PVT1: variants seen among roughly 807,000 people sequenced by gnomAD.
PVT1 encodes the protein CXCR4/PVT1 fusion.
At chr8:128,041,701 C>A (rs57667636) in intron 4 of PVT1, among the ~76,000 whole-genome samples, 4,100 of 150,356 alleles carry the variant, frequency 0.027, 142 homozygotes, top group East Asian at 0.16. Context: ...GTGTGTTGTT[C>A]GTGTGTGCAT....
chr8:127,845,784 C>G (rs1480912139), intron 2 of PVT1, among the ~76,000 whole-genome samples: 1 of 152,092 alleles, frequency 6.6e-6, no homozygotes, highest in Non-Finnish European at 1.5e-5. Context: ...AACAGAGTGT[C>G]CTGTTTTCCC....
In PVT1 at chr8:127,894,731, A is replaced by C. The variant is rs963477756; in HGVS notation, n.782+3733A>C. Among the ~76,000 whole-genome samples, 3 of 152,368 alleles carry C rather than the reference A, an allele frequency of 2.0e-5. No individual in the cohort carries two copies. The South Asian group carries it at 6.2e-4, about 32-fold the overall frequency. On this transcript the variant is annotated intron_variant and non_coding_transcript_variant, in intron 3 of 10. Coordinates refer to ENST00000651587, the Ensembl canonical transcript of PVT1. ...ACTTTTCAAAAATACTATTAGTGACATGTGGACCTAGTCCTCCTGAAGAGG... is the reference window on the plus strand; with the variant it reads ...ACTTTTCAAAAATACTATTAGTGACCTGTGGACCTAGTCCTCCTGAAGAGG...
chr8:127,898,342 G>GAAAGA lies in PVT1; in HGVS notation n.782+7347_782+7351dup, dbSNP rs1815713451. Reference sequence around the variant, plus strand: ...AATAATGTAAAGAAAGAAAAGAAAGGAAAGAAAGATTCATTACTATCCTTT... The same window carrying GAAAGA: ...AATAATGTAAAGAAAGAAAAGAAAGGAAAGAAAAGAAAGATTCATTACTATCCTTT... On this transcript the variant is annotated intron_variant and non_coding_transcript_variant, in intron 3 of 10. Transcript: ENST00000651587. This position sits in a 1 kb window ranked among gnomAD's most constrained non-coding sequence, Gnocchi z 4.4. Among the ~76,000 whole-genome samples the GAAAGA allele has an allele frequency of 1.3e-5, 2 of 152,092 alleles. No individual in the cohort carries two copies. Among genetic ancestry groups the GAAAGA allele is most frequent in the South Asian group, 4.1e-4 (2 of 4,824 alleles).
intron 3 of PVT1, among the ~76,000 whole-genome samples, chr8:127,973,239 A>G (rs1000042427): frequency 6.6e-6 from 1 of 152,016 alleles, no homozygotes; most frequent in Non-Finnish European, 1.5e-5. Context: ...CTCCCTTGCC[A>G]TGTGTGCACA....
chr8:127,862,173 C>T (rs1009130343), intron 2 of PVT1, among the ~76,000 whole-genome samples: 3 of 152,070 alleles, frequency 2.0e-5, no homozygotes, highest in South Asian at 2.1e-4. Flanking sequence ...TTTGGGAGGT[C>T]GAGGTGGGTG....
At chr8:128,052,913 T>C (rs1813716072) in intron 4 of PVT1, among the ~76,000 whole-genome samples, 1 of 152,260 alleles carries the variant, frequency 6.6e-6, no homozygotes, top group African/African-American at 2.4e-5. Flanking sequence ...AGACAGTAGA[T>C]GGTAAAACCA....
chr8:128,030,231 GTAA>G (rs755195145), intron 4 of PVT1, among the ~76,000 whole-genome samples: 4 of 152,194 alleles, frequency 2.6e-5, no homozygotes, highest in Non-Finnish European at 4.4e-5. Flanking sequence ...ATTACCATGT[GTAA>G]TAATAGTTTA....
chr8:127,827,580 T>A (rs987672855), intron 2 of PVT1, among the ~76,000 whole-genome samples: 1 of 152,080 alleles, frequency 6.6e-6, no homozygotes, highest in Non-Finnish European at 1.5e-5. Context: ...TTGTTCCTTA[T>A]CCTCCTTTGA....
intron 4 of PVT1, among the ~76,000 whole-genome samples, chr8:128,057,672 C>T (rs1813778228): frequency 6.6e-6 from 1 of 152,202 alleles, no homozygotes; most frequent in Non-Finnish European, 1.5e-5. Flanking sequence ...AGTTCATAAA[C>T]ATGCTTTCCT....
intron 2 of PVT1, among the ~76,000 whole-genome samples, chr8:127,882,151 G>A (rs1003427151): frequency 2.6e-5 from 4 of 152,184 alleles, no homozygotes; most frequent in African/African-American, 9.7e-5. Context: ...TGGTTCCTGT[G>A]GCTCCCATCC....
At chr8:127,841,742 T>G (rs1415427727) in intron 2 of PVT1, among the ~76,000 whole-genome samples, 1 of 151,782 alleles carries the variant, frequency 6.6e-6, no homozygotes, top group Non-Finnish European at 1.5e-5. Flanking sequence ...TTTTTCTTCT[T>G]TCTGAGACAG....
At chr8:127,956,134 G>A (rs1291785018) in intron 3 of PVT1, among the ~76,000 whole-genome samples, 3 of 152,206 alleles carry the variant, frequency 2.0e-5, no homozygotes, top group Non-Finnish European at 4.4e-5. Context: ...TGTGAGAAGG[G>A]CATCTGGGAC....
At position 127,898,133 on chromosome 8, in the gene PVT1, A is replaced by G. The variant is rs1373131575; in HGVS notation, n.782+7135A>G. Among the ~76,000 whole-genome samples the G allele has an allele frequency of 6.7e-6, 1 of 150,002 alleles. No individual in the cohort carries two copies. Among genetic ancestry groups the G allele is most frequent in the Non-Finnish European group, 1.5e-5 (1 of 67,302 alleles). Reference sequence around the variant, plus strand: ...AAGGAAGGAAGAAAGAAGGAAAGAAAGAAGATTCATTATTCTGTCCTCTGA... The same window carrying G: ...AAGGAAGGAAGAAAGAAGGAAAGAAGGAAGATTCATTATTCTGTCCTCTGA... On this transcript the variant is annotated intron_variant and non_coding_transcript_variant, in intron 3 of 10. Transcript: ENST00000651587. This position sits in a 1 kb window ranked among gnomAD's most constrained non-coding sequence, Gnocchi z 4.4.
At chr8:128,039,418 C>G (rs1481819394) in intron 4 of PVT1, among the ~76,000 whole-genome samples, 1 of 152,198 alleles carries the variant, frequency 6.6e-6, no homozygotes, top group Non-Finnish European at 1.5e-5. Context: ...AGTGTTCCCT[C>G]CCTTCCTGTT....
chr8:127,913,632 C>T (rs1199568141), intron 3 of PVT1, among the ~76,000 whole-genome samples: 4 of 152,132 alleles, frequency 2.6e-5, no homozygotes, highest in Non-Finnish European at 5.9e-5. Context: ...TATGGAAGCA[C>T]TTCCCTGTGC....
chr8:127,971,374 C>T (rs1273126642), intron 3 of PVT1, among the ~76,000 whole-genome samples: 2 of 152,206 alleles, frequency 1.3e-5, no homozygotes, highest in Admixed American at 6.5e-5. Flanking sequence ...ACGGTCCAGG[C>T]CCACACTGCT....
intron 4 of PVT1, among the ~76,000 whole-genome samples, chr8:128,063,805 T>A (rs992321194): frequency 6.6e-6 from 1 of 152,210 alleles, no homozygotes; most frequent in African/African-American, 2.4e-5. Context: ...TAGTTAATAA[T>A]GTGTTGTATT....
chr8:127,959,362 G>A (rs1034413513), intron 3 of PVT1, among the ~76,000 whole-genome samples: 1 of 152,124 alleles, frequency 6.6e-6, no homozygotes, highest in Admixed American at 6.5e-5. Flanking sequence ...CAAGGCGGGC[G>A]GATTACGAGG....
Position 127,817,530 on chromosome 8 carries a change from T to TAGATTAA in PVT1, n.372+21460_372+21461insGATTAAA, listed in dbSNP as rs1563613254. Among the ~76,000 whole-genome samples, 19 of 14,970 alleles carry TAGATTAA rather than the reference T, an allele frequency of 1.3e-3. 1 individual carries two copies. Among genetic ancestry groups the TAGATTAA allele is most frequent in the Admixed American group, 3.9e-3 (4 of 1,014 alleles). 9.8% of individuals were successfully genotyped at this position (14,970 alleles called of 152,430 possible). On this transcript the variant is annotated intron_variant and non_coding_transcript_variant, in intron 2 of 10. Transcript: ENST00000651587. Reference sequence around the variant, plus strand: ...ATTTAAATAGATATATCTATTTAAATATATATATATATATATACACACACA... The same window carrying TAGATTAA: ...ATTTAAATAGATATATCTATTTAAATAGATTAAATATATATATATATATACACACACA...
Sources: allele counts gnomAD v4.1 joint callset (sites outside exome capture counted in the v4.1 genomes callset), GRCh38; gene constraint gnomAD v4.1.1; non-coding constraint Gnocchi (gnomAD v3.1); transcripts MANE v1.5; gene names NCBI Gene and HGNC (gene_info 2026-07-23, HGNC 2026-07-21).